GRIN2A: variants seen among roughly 807,000 people sequenced by gnomAD.
The protein encoded by GRIN2A is glutamate ionotropic receptor NMDA type subunit 2A, also known as glutamate receptor ionotropic, NMDA 2A.
Under a neutral mutation model 113.4 loss-of-function variants are expected in GRIN2A, and 22 were observed. The ratio of observed to expected loss-of-function variants is 0.19; its 90% CI spans 0.14 to 0.28. The LOEUF (loss-of-function observed/expected upper bound fraction) is 0.28. Among genes scored for constraint, GRIN2A ranks in the 10% least tolerant of loss-of-function variants. The probability of loss-of-function intolerance (pLI) is 1.00; values close to 1 mark genes in which losing one functional copy is unlikely to be tolerated. For missense variants in GRIN2A, 1,502 were observed against 1,887.0 expected, an observed-to-expected ratio of 0.80 and a Z score of 3.78; for synonymous variants, 827 against 738.4, an observed-to-expected ratio of 1.12 and a Z score of -1.94.
Position 10,180,344 on chromosome 16 carries a change from G to A in GRIN2A, c.68C>T (p.Pro23Leu), listed in dbSNP as rs969233060. ...GGGACCCTTCTCCGCCGCCGCGCTC[G>A]GCGCCGGACCGCGCCAGACCAGAAG... ...PALLVWRGPA[P>L]SAAAEKGPPA... Residue 23 changes from proline to leucine, a missense_variant, in exon 2 of 13, where the codon CCG becomes CTG. Physicochemically the swap from Pro to Leu is moderately conservative, Grantham distance 98 (BLOSUM62 -3). Coordinates refer to ENST00000330684, the MANE Select transcript of GRIN2A (RefSeq NM_001134407.3). The surrounding 1 kb of genome is among the most constrained non-coding windows in gnomAD (Gnocchi z 7.0). The A allele has an allele frequency of 3.1e-6, 5 of 1,608,512 alleles. No individual in the cohort carries two copies. The highest frequency in any genetic ancestry group is 3.4e-6 in the Non-Finnish European group (4 of 1,179,852).
intron 2 of GRIN2A, among the ~76,000 whole-genome samples, chr16:9,940,783 A>C (rs918055849): frequency 6.6e-6 from 1 of 152,198 alleles, no homozygotes; most frequent in Non-Finnish European, 1.5e-5. Flanking sequence ...TACCCAACCT[A>C]TATCTCAATG....
chr16:9,805,090 G>T (rs1048590366), intron 10 of GRIN2A, among the ~76,000 whole-genome samples: 1 of 152,022 alleles, frequency 6.6e-6, no homozygotes, highest in African/African-American at 2.4e-5. Flanking sequence ...CAATGGCCTT[G>T]AAAGTCCAAT....
intron 11 of GRIN2A, among the ~76,000 whole-genome samples, chr16:9,791,714 CACAA>C (rs1382958211): frequency 6.6e-6 from 1 of 151,994 alleles, no homozygotes; most frequent in East Asian, 1.9e-4. Context: ...TCTGTGACCA[CACAA>C]ACACTTTCTA....
intron 2 of GRIN2A, among the ~76,000 whole-genome samples, chr16:10,128,475 T>C (rs1452657323): frequency 6.6e-6 from 1 of 152,180 alleles, no homozygotes; most frequent in Admixed American, 6.5e-5. Flanking sequence ...GAAGAGGCCA[T>C]TACAGAATGT....
intron 12 of GRIN2A, among the ~76,000 whole-genome samples, chr16:9,768,357 A>T (rs961475926): frequency 2.5e-4 from 38 of 152,178 alleles, no homozygotes; most frequent in African/African-American, 8.0e-4. Context: ...CGGCCAAAAA[A>T]TTTTTACATG....
chr16:9,833,961 C>T, intron 8 of GRIN2A, 144 bp downstream of exon 8: 3 of 800,930 alleles, frequency 3.7e-6, no homozygotes, highest in Non-Finnish European at 6.6e-6. Context: ...TCATGATCCA[C>T]CCACCTCGGT....
Position 9,977,038 on chromosome 16 carries a change from A to G in GRIN2A, c.415-38487T>C, listed in dbSNP as rs3859123. Among the ~76,000 whole-genome samples, 51,915 of 152,122 alleles carry G rather than the reference A, an allele frequency of 0.34. 9,050 individuals carry two copies. The highest frequency in any genetic ancestry group is 0.44 in the South Asian group (2,149 of 4,830). On this transcript the variant is annotated intron_variant, in intron 2 of 12. Coordinates refer to ENST00000330684, the MANE Select transcript of GRIN2A (RefSeq NM_001134407.3). The stretch of plus-strand genomic sequence containing the variant: ...ACAACAAAGAAAGAGTTGACTCTCC[A>G]CCTTCTCTAACTGATCATAGTGATT...
chr16:9,847,857 G>C (rs2042803152), intron 5 of GRIN2A, among the ~76,000 whole-genome samples: 1 of 147,492 alleles, frequency 6.8e-6, no homozygotes, highest in Admixed American at 6.8e-5. Context: ...CTTCAAAGAG[G>C]CTGACATTTG....
intron 9 of GRIN2A, among the ~76,000 whole-genome samples, chr16:9,822,899 C>T (rs2042315255): frequency 6.6e-6 from 1 of 152,166 alleles, no homozygotes. Context: ...TTTATAATTA[C>T]CTTCACCTCA....
chr16:9,889,119 T>C (rs1379469655), intron 4 of GRIN2A, among the ~76,000 whole-genome samples: 1 of 152,116 alleles, frequency 6.6e-6, no homozygotes, highest in Non-Finnish European at 1.5e-5. Flanking sequence ...TGGGAAAGTT[T>C]TTAGGTATAT....
intron 2 of GRIN2A, among the ~76,000 whole-genome samples, chr16:9,995,374 A>T (rs1249861226): frequency 6.6e-6 from 1 of 152,230 alleles, no homozygotes; most frequent in East Asian, 1.9e-4. Context: ...GGGATAGATG[A>T]CGAATTAGGA....
intron 3 of GRIN2A, among the ~76,000 whole-genome samples, chr16:9,897,221 A>ATGTACGTATTTTATATATAT (rs60188583): frequency 6.7e-6 from 1 of 149,224 alleles, no homozygotes; most frequent in African/African-American, 2.5e-5. Flanking sequence ...TTATATATAT[A>ATGTACGTATTTTATATATAT]AAAAAATACA....
chr16:9,934,942 C>T (rs139217489), intron 3 of GRIN2A, among the ~76,000 whole-genome samples: 12 of 151,848 alleles, frequency 7.9e-5, no homozygotes, highest in Non-Finnish European at 1.6e-4. Flanking sequence ...CAGTGGATGG[C>T]GACTTACCAC....
At chr16:10,131,345 C>G (rs183221778) in intron 2 of GRIN2A, among the ~76,000 whole-genome samples, 4 of 152,248 alleles carry the variant, frequency 2.6e-5, no homozygotes, top group Admixed American at 2.0e-4. Flanking sequence ...TCTCCCTAGG[C>G]TGTTCTCAGT....
At chr16:10,045,958 T>C (rs1219166449) in intron 2 of GRIN2A, among the ~76,000 whole-genome samples, 1 of 152,210 alleles carries the variant, frequency 6.6e-6, no homozygotes, top group Non-Finnish European at 1.5e-5. Context: ...GCATCCCTGG[T>C]CCCTACATGC....
At chr16:9,860,861 T>A (rs1405990343) in intron 4 of GRIN2A, among the ~76,000 whole-genome samples, 4 of 152,174 alleles carry the variant, frequency 2.6e-5, no homozygotes, top group Non-Finnish European at 5.9e-5. Context: ...ACGTGATCCA[T>A]GTTCGATATA....
intron 10 of GRIN2A, among the ~76,000 whole-genome samples, chr16:9,811,614 G>A (rs1185258350): frequency 6.6e-6 from 1 of 152,142 alleles, no homozygotes; most frequent in Non-Finnish European, 1.5e-5. Context: ...GCAAAAATTA[G>A]CCAGACATGG....
intron 11 of GRIN2A, among the ~76,000 whole-genome samples, chr16:9,770,186 C>T (rs966571254): frequency 2.0e-5 from 3 of 151,242 alleles, no homozygotes; most frequent in Non-Finnish European, 4.4e-5. Context: ...GACTATGATT[C>T]AGCCTTTAAA....
chr16:10,040,656 TACAC>T lies in GRIN2A; in HGVS notation c.415-102109_415-102106del, dbSNP rs1241029084. 4.3e-4 allele frequency among the ~76,000 whole-genome samples: 64 copies of T among 150,430 alleles called. 2 individuals are homozygous for T. The highest frequency in any genetic ancestry group is 1.4e-3 in the African/African-American group (58 of 40,740). The stretch of plus-strand genomic sequence containing the variant: ...AATACACATAGCATACACACACAAA[TACAC>T]ACACACTCACATGTGCACACACAAA... On this transcript the variant is annotated intron_variant, in intron 2 of 12. Transcript: ENST00000330684.
Sources: allele counts gnomAD v4.1 joint callset (sites outside exome capture counted in the v4.1 genomes callset), GRCh38; gene constraint gnomAD v4.1.1; non-coding constraint Gnocchi (gnomAD v3.1); transcripts MANE v1.5; gene names NCBI Gene and HGNC (gene_info 2026-07-23, HGNC 2026-07-21).